Variants in PCDH15 observed in about 807,000 individuals in gnomAD.
PCDH15 encodes protocadherin-15.
PCDH15 carries 129 observed loss-of-function variants against 178.5 expected under a neutral mutation model. The ratio of observed to expected loss-of-function variants is 0.72; its 90% CI spans 0.63 to 0.84. The LOEUF (loss-of-function observed/expected upper bound fraction) is 0.84. Ranked by LOEUF, PCDH15 falls within the 40% of genes least tolerant of loss-of-function variation. The probability of loss-of-function intolerance (pLI) is 0.00; values close to 1 mark genes in which losing one functional copy is unlikely to be tolerated. For synonymous variants in PCDH15, 800 were observed against 732.0 expected (o/e 1.09, Z -1.50); for missense variants, 2,230 against 2,099.9 (o/e 1.06, Z -1.21).
intron 2 of PCDH15, among the ~76,000 whole-genome samples, chr10:54,966,195 T>TA (rs1554818905): frequency 6.6e-6 from 1 of 151,978 alleles, no homozygotes; most frequent in Non-Finnish European, 1.5e-5. Flanking sequence ...GTAATTTTTT[T>TA]AAAAAAATAT....
At chr10:54,907,948 T>G (rs1954753078) in intron 2 of PCDH15, among the ~76,000 whole-genome samples, 1 of 152,188 alleles carries the variant, frequency 6.6e-6, no homozygotes, top group Admixed American at 6.5e-5. Context: ...AGTATGCTGT[T>G]ACATTGCTGG....
intron 1 of PCDH15, among the ~76,000 whole-genome samples, chr10:54,738,278 T>C (rs1398020927): frequency 6.6e-6 from 1 of 152,074 alleles, no homozygotes; most frequent in South Asian, 2.1e-4. Context: ...GGCTGCTATA[T>C]TGAGAATAGA....
At position 54,147,592 on chromosome 10, in the gene PCDH15, G is replaced by T. The variant is rs975858285; in HGVS notation, c.1784+5508C>A. Among the ~76,000 whole-genome samples the T allele has an allele frequency of 2.0e-5, 3 of 151,772 alleles. 1 individual carries two copies. On this transcript the variant is annotated intron_variant, in intron 14 of 37. Coordinates refer to ENST00000644397, the MANE Select transcript of PCDH15 (RefSeq NM_001384140.1). ...AAATGTAATATATTGGCCACATATA[G>T]ATCAGACCAGATTTATTTAGCACAA...
chr10:54,808,512 A>G (rs1952813668), intron 3 of PCDH15, among the ~76,000 whole-genome samples: 2 of 152,332 alleles, frequency 1.3e-5, no homozygotes, highest in South Asian at 2.1e-4. Context: ...AAGTAAGGCA[A>G]TAACCCAGGC....
chr10:54,281,225 G>A lies in PCDH15; in HGVS notation c.876+36046C>T, dbSNP rs935526983. On this transcript the variant is annotated intron_variant, in intron 8 of 37. Transcript: ENST00000644397. ...AGATAAATTTAAATATCTTATCTTG[G>A]CAACGAACTTATAACCCTTAAAAAC... 3.3e-5 allele frequency among the ~76,000 whole-genome samples: 5 copies of A among 151,832 alleles called. No homozygotes were observed. In the East Asian group the frequency reaches 9.7e-4, roughly 29 times the overall value.
chr10:55,024,104 C>CAT (rs1307509492), intron 2 of PCDH15, among the ~76,000 whole-genome samples: 6 of 137,504 alleles, frequency 4.4e-5, no homozygotes, highest in African/African-American at 8.2e-5. Flanking sequence ...AAGGAATATA[C>CAT]ATATATATAT....
chr10:54,204,202 C>T (rs563090119), intron 10 of PCDH15, among the ~76,000 whole-genome samples: 28 of 152,022 alleles, frequency 1.8e-4, no homozygotes, highest in Non-Finnish European at 2.8e-4. Context: ...GCAGACAATT[C>T]ATTGCCATTG....
intron 2 of PCDH15, among the ~76,000 whole-genome samples, chr10:55,492,862 A>G (rs1166580333): frequency 6.6e-6 from 1 of 151,832 alleles, no homozygotes; most frequent in Non-Finnish European, 1.5e-5. Flanking sequence ...ATCAATAAAG[A>G]GAGGAAAATT....
rs1024744764 is a variant in PCDH15, at chr10:53,928,923, G to T, written c.3373+9892C>A. 4.6e-5 allele frequency among the ~76,000 whole-genome samples: 7 copies of T among 152,130 alleles called. No individual in the cohort carries two copies. In the East Asian group the frequency reaches 9.6e-4, roughly 21 times the overall value. On this transcript the variant is annotated intron_variant, in intron 25 of 37. Coordinates refer to ENST00000644397, the MANE Select transcript of PCDH15 (RefSeq NM_001384140.1). Reference sequence around the variant, plus strand: ...TACGTTTCCAAGAATGAAGAAAACTGTATCTTCTCTCTTTAGTTCCAGGCT... The same window carrying T: ...TACGTTTCCAAGAATGAAGAAAACTTTATCTTCTCTCTTTAGTTCCAGGCT...
chr10:55,158,065 T>TGTGTGTGTGC (rs1307170837), intron 2 of PCDH15, among the ~76,000 whole-genome samples: 1 of 109,930 alleles, frequency 9.1e-6, no homozygotes, highest in Non-Finnish European at 1.8e-5. Context: ...CACAAATATG[T>TGTGTGTGTGC]GTGTATGTGT....
intron 2 of PCDH15, among the ~76,000 whole-genome samples, chr10:55,498,716 G>C (rs1400027628): frequency 2.0e-5 from 3 of 151,820 alleles, no homozygotes; most frequent in Non-Finnish European, 4.4e-5. Context: ...AGCAGAAACT[G>C]ACAGTGACCT....
At chr10:55,132,960 A>G (rs1367836812) in intron 2 of PCDH15, among the ~76,000 whole-genome samples, 1 of 152,210 alleles carries the variant, frequency 6.6e-6, no homozygotes, top group Non-Finnish European at 1.5e-5. Context: ...CCAAGTGTTG[A>G]CAAGTAAAGC....
chr10:54,066,999 T>A (rs564597957), intron 17 of PCDH15, 114 bp from the exon 18 acceptor site: 7 of 887,552 alleles, frequency 7.9e-6, no homozygotes, highest in Non-Finnish European at 1.1e-5. Context: ...TTCTTTCTAA[T>A]CCTTAGCTTT....
intron 2 of PCDH15, among the ~76,000 whole-genome samples, chr10:54,579,613 T>C (rs1051488406): frequency 6.6e-6 from 1 of 152,016 alleles, no homozygotes; most frequent in Non-Finnish European, 1.5e-5. Context: ...GACTTAAATT[T>C]GACACTTCAC....
chr10:55,257,416 A>G (rs1251127043), intron 1 of PCDH15, among the ~76,000 whole-genome samples: 1 of 152,150 alleles, frequency 6.6e-6, no homozygotes, highest in Non-Finnish European at 1.5e-5. Flanking sequence ...CAGACGATCA[A>G]ACTACTCTGA....
rs560920058 is a variant in PCDH15, at chr10:54,505,192, C to CT, written c.157+22619dup. The stretch of plus-strand genomic sequence containing the variant: ...TAAAATGGGTTGCCTTAAGAAAAAT[C>CT]TTTTTTCCATCATCCAAGGTCATAT... On this transcript the variant is annotated intron_variant, in intron 3 of 37. Coordinates refer to ENST00000644397, the MANE Select transcript of PCDH15 (RefSeq NM_001384140.1). Among the ~76,000 whole-genome samples the CT allele has an allele frequency of 4.4e-3, 667 of 152,080 alleles. 3 individuals are homozygous for CT. The highest frequency in any genetic ancestry group is 0.016 in the African/African-American group (652 of 41,504).
chr10:55,311,164 G>A (rs1160601147), intron 1 of PCDH15, among the ~76,000 whole-genome samples: 3 of 152,192 alleles, frequency 2.0e-5, no homozygotes, highest in Non-Finnish European at 4.4e-5. Context: ...ATAAGAATCA[G>A]TTCTATCAGA....
chr10:54,030,703 T>A (rs958446571), intron 18 of PCDH15, among the ~76,000 whole-genome samples: 4 of 152,050 alleles, frequency 2.6e-5, no homozygotes, highest in African/African-American at 9.7e-5. Context: ...CTACATTTTA[T>A]CCTAGCATTC....
chr10:55,359,438 G>A (rs10763196), intron 2 of PCDH15, among the ~76,000 whole-genome samples: 82,038 of 151,464 alleles, frequency 0.54, 22,694 homozygotes, highest in African/African-American at 0.63. Context: ...GCCAAAGCAA[G>A]CATAGTGGTG....
Sources: allele counts gnomAD v4.1 joint callset (sites outside exome capture counted in the v4.1 genomes callset), GRCh38; gene constraint gnomAD v4.1.1; transcripts MANE v1.5; gene names NCBI Gene and HGNC (gene_info 2026-07-23, HGNC 2026-07-21).